Variants in CDC42BPA observed in about 807,000 individuals in gnomAD.
CDC42BPA encodes CDC42 binding protein kinase alpha, also known as serine/threonine-protein kinase MRCK alpha.
Under a neutral mutation model 223.5 loss-of-function variants are expected in CDC42BPA, and 80 were observed. The observed-to-expected ratio is 0.36, with a 90% confidence interval of 0.30 to 0.43. CDC42BPA has a LOEUF of 0.43. Ranked by LOEUF, CDC42BPA falls within the 20% of genes least tolerant of loss-of-function variation. The pLI is 1.00. For synonymous variants in CDC42BPA, 694 were observed against 718.6 expected, an observed-to-expected ratio of 0.97 and a Z score of 0.55; for missense variants, 1,743 against 2,099.9, an observed-to-expected ratio of 0.83 and a Z score of 3.32.
intron 23 of CDC42BPA, among the ~76,000 whole-genome samples, chr1:227,042,077 G>A (rs913655495): frequency 1.3e-5 from 2 of 152,014 alleles, no homozygotes; most frequent in Non-Finnish European, 2.9e-5. Context: ...TGTTCAAAAT[G>A]CATTAATGCA....
At chr1:227,204,525 T>A (rs1672330465) in intron 3 of CDC42BPA, among the ~76,000 whole-genome samples, 1 of 151,956 alleles carries the variant, frequency 6.6e-6, no homozygotes, top group South Asian at 2.1e-4. Flanking sequence ...ATTTAGGGAG[T>A]GGATAAGTTC....
At chr1:227,124,399 T>G (rs1277826686) in intron 11 of CDC42BPA, among the ~76,000 whole-genome samples, 1 of 151,100 alleles carries the variant, frequency 6.6e-6, no homozygotes, top group African/African-American at 2.5e-5. Context: ...TGGAGGTATA[T>G]TTTTTTTCTT....
intron 5 of CDC42BPA, among the ~76,000 whole-genome samples, chr1:227,189,476 A>G (rs1447723291): frequency 6.6e-6 from 1 of 152,208 alleles, no homozygotes; most frequent in Non-Finnish European, 1.5e-5. Context: ...TATACTGTCA[A>G]AACACTTTCA....
Position 227,055,417 on chromosome 1 carries a change from T to G in CDC42BPA, c.2905-3432A>C, listed in dbSNP as rs184908667. On this transcript the variant is annotated intron_variant, in intron 21 of 36. Coordinates refer to ENST00000366766, the MANE Select transcript of CDC42BPA (RefSeq NM_001394014.1). ...CATTTATAATTAATGGCTTATTCTA[T>G]CCACTAAAAAGCAATTAATTCTATT... Among the ~76,000 whole-genome samples the G allele has an allele frequency of 5.3e-5, 8 of 152,192 alleles. No homozygotes were observed. In the East Asian group the frequency reaches 1.5e-3, roughly 29 times the overall value.
intron 6 of CDC42BPA, among the ~76,000 whole-genome samples, chr1:227,150,058 T>C (rs573436039): frequency 4.0e-5 from 6 of 151,714 alleles, no homozygotes; most frequent in South Asian, 2.1e-4. Flanking sequence ...ACCACATCTC[T>C]ACAAAAAATA....
Position 227,318,306 on chromosome 1 carries a change from A to G in CDC42BPA, c.-1124T>C. ...GAGGGAGGCGGCCCGGCGCAGGAGG[A>G]GGGGTCGCTTCCGCGGCTGAGGAGA... On this transcript the variant is annotated 5_prime_UTR_variant, in exon 1 of 37. Transcript: ENST00000366766. 1 of 152,432 alleles carries G rather than the reference A, an allele frequency of 6.6e-6. No individual in the cohort carries two copies. Among genetic ancestry groups the G allele is most frequent in the East Asian group, 2.0e-4 (1 of 5,068 alleles). The allele number at this position is 152,432 out of a possible 1,614,324, so 9.4% of individuals were successfully genotyped here.
chr1:227,223,122 G>A (rs1334798268), intron 2 of CDC42BPA, among the ~76,000 whole-genome samples: 3 of 152,200 alleles, frequency 2.0e-5, no homozygotes, highest in Non-Finnish European at 4.4e-5. Context: ...GAATACGTAT[G>A]TTAAAAGTTT....
chr1:227,041,764 G>C (rs899760193), intron 23 of CDC42BPA, among the ~76,000 whole-genome samples: 2 of 152,038 alleles, frequency 1.3e-5, no homozygotes, highest in South Asian at 4.2e-4. Context: ...ACGATCTTTT[G>C]GTCAGTTTCA....
chr1:227,236,991 T>C (rs2718196), intron 2 of CDC42BPA, among the ~76,000 whole-genome samples: 45,582 of 145,020 alleles, frequency 0.31, 7,144 homozygotes, highest in East Asian at 0.38. Context: ...TACAGTGAGC[T>C]GTAATTGTGC....
intron 5 of CDC42BPA, among the ~76,000 whole-genome samples, chr1:227,170,019 T>G (rs1440391061): frequency 6.6e-6 from 1 of 152,180 alleles, no homozygotes; most frequent in Non-Finnish European, 1.5e-5. Flanking sequence ...CAATAATATC[T>G]CTCACTCCAC....
intron 1 of CDC42BPA, among the ~76,000 whole-genome samples, chr1:227,311,732 A>G (rs1693576944): frequency 6.6e-6 from 1 of 152,164 alleles, no homozygotes; most frequent in South Asian, 2.1e-4. Context: ...TCATAAAAAA[A>G]AAAAATACCC....
At chr1:227,014,526 T>C (rs1455205485) in intron 34 of CDC42BPA, among the ~76,000 whole-genome samples, 2 of 152,032 alleles carry the variant, frequency 1.3e-5, no homozygotes, top group Admixed American at 6.6e-5. Flanking sequence ...AATGCAGATA[T>C]GTTTTCTTCC....
At chr1:227,097,176 C>T (rs1224546042) in intron 15 of CDC42BPA, among the ~76,000 whole-genome samples, 1 of 151,780 alleles carries the variant, frequency 6.6e-6, no homozygotes, top group Non-Finnish European at 1.5e-5. Context: ...CATCTTAAAA[C>T]ACACACACAC....
At chr1:227,140,885 C>A (rs929735640) in intron 9 of CDC42BPA, among the ~76,000 whole-genome samples, 6 of 152,084 alleles carry the variant, frequency 3.9e-5, no homozygotes, top group Non-Finnish European at 7.3e-5. Context: ...GAGAACACTA[C>A]AGAGTTTAGA....
chr1:227,060,382 A>C (rs975947182), intron 21 of CDC42BPA, among the ~76,000 whole-genome samples: 7 of 152,202 alleles, frequency 4.6e-5, no homozygotes, highest in African/African-American at 1.7e-4. Context: ...GTGCAACCTA[A>C]CATTTGTTGT....
intron 1 of CDC42BPA, among the ~76,000 whole-genome samples, chr1:227,263,456 G>A (rs770710864): frequency 2.0e-5 from 3 of 152,030 alleles, no homozygotes; most frequent in Non-Finnish European, 4.4e-5. Flanking sequence ...ACAGCATAGT[G>A]GTCATGATCA....
At chr1:227,165,245 G>A (rs919577432) in intron 5 of CDC42BPA, among the ~76,000 whole-genome samples, 2 of 152,154 alleles carry the variant, frequency 1.3e-5, no homozygotes, top group Non-Finnish European at 2.9e-5. Context: ...GTGAATGTAA[G>A]AAAAGACAAT....
intron 18 of CDC42BPA, 34 bp from the exon 19 acceptor site, chr1:227,074,046 C>T (rs372509569): frequency 8.8e-6 from 14 of 1,591,756 alleles, no homozygotes; most frequent in Non-Finnish European, 1.0e-5. Context: ...TAGTTCCATC[C>T]TATTTTTAAC....
chr1:227,266,238 T>C (rs904717960), intron 1 of CDC42BPA, among the ~76,000 whole-genome samples: 32 of 152,200 alleles, frequency 2.1e-4, no homozygotes, highest in African/African-American at 7.5e-4. Flanking sequence ...TGACCAGTAA[T>C]AGAAAGGGCC....
Sources: allele counts gnomAD v4.1 joint callset (sites outside exome capture counted in the v4.1 genomes callset), GRCh38; gene constraint gnomAD v4.1.1; transcripts MANE v1.5; gene names NCBI Gene and HGNC (gene_info 2026-07-23, HGNC 2026-07-21).